The following SPTBN1 variants were observed in gnomAD, a reference collection of about 807,000 sequenced individuals.
SPTBN1 encodes the protein spectrin beta chain, non-erythrocytic 1.
A neutral mutation model predicts 266.4 loss-of-function variants in SPTBN1; 32 were observed. That is an observed-to-expected ratio of 0.12 (90% confidence interval 0.09 to 0.16). The LOEUF is 0.16. SPTBN1 is among the 10% of genes least tolerant of loss of function. The pLI, the probability that SPTBN1 is intolerant of heterozygous loss-of-function variation, is 1.00. For synonymous variants in SPTBN1, 1,336 were observed against 1,162.2 expected, an observed-to-expected ratio of 1.15 and a Z score of -3.04; for missense variants, 2,296 against 3,067.1, an observed-to-expected ratio of 0.75 and a Z score of 5.94.
intron 1 of SPTBN1, among the ~76,000 whole-genome samples, chr2:54,473,667 C>T (rs1694040366): frequency 6.6e-6 from 1 of 152,134 alleles, no homozygotes; most frequent in Non-Finnish European, 1.5e-5. Context: ...ATAGTTTTCA[C>T]CTCCCACCAT....
At chr2:54,545,417 C>T (rs957111375) in intron 2 of SPTBN1, 10 of 152,114 alleles carry the variant, frequency 6.6e-5, no homozygotes, top group East Asian at 1.9e-4. Context: ...ATATATAAAA[C>T]GGAGTAAACT....
intron 33 of SPTBN1, 142 bp from the exon 34 acceptor site, chr2:54,665,772 CT>C: frequency 1.0e-6 from 1 of 968,830 alleles, no homozygotes; most frequent in Non-Finnish European, 1.5e-6. Flanking sequence ...TTAGGAAGGG[CT>C]TGTAATAAGG....
intron 11 of SPTBN1, 57 bp from the exon 12 acceptor site, chr2:54,625,875 G>C: frequency 6.5e-7 from 1 of 1,549,536 alleles, no homozygotes; most frequent in Non-Finnish European, 8.7e-7. Context: ...ACAAGCATGA[G>C]CTACTGTGCC....
At chr2:54,580,445 A>G (rs1406327114) in intron 2 of SPTBN1, among the ~76,000 whole-genome samples, 6 of 152,186 alleles carry the variant, frequency 3.9e-5, no homozygotes, top group Non-Finnish European at 8.8e-5. Flanking sequence ...TTGAGAATAC[A>G]TAAAGAGCAC....
At chr2:54,622,275 C>T in intron 8 of SPTBN1, 25 bp from the exon 9 acceptor site, 1 of 1,574,020 alleles carries the variant, frequency 6.4e-7, no homozygotes, top group Non-Finnish European at 8.7e-7. Flanking sequence ...ATGATCTTTT[C>T]AATTTTTCTA....
Position 54,588,624 on chromosome 2 carries a change from A to C in SPTBN1, c.149-10468A>C, listed in dbSNP as rs1314013957. Among the ~76,000 whole-genome samples the C allele has an allele frequency of 2.6e-5, 4 of 152,200 alleles. No homozygotes were observed. The South Asian group carries it at 8.3e-4, about 32-fold the overall frequency. Reference sequence around the variant, plus strand: ...AGGCTGTAATGAAGGAGGGAAAGTGAGTGAAGATCCTAATGCAGCATCACT... The same window carrying C: ...AGGCTGTAATGAAGGAGGGAAAGTGCGTGAAGATCCTAATGCAGCATCACT... On this transcript the variant is annotated intron_variant, in intron 2 of 35. Coordinates refer to ENST00000356805, the MANE Select transcript of SPTBN1 (RefSeq NM_003128.3).
At chr2:54,529,702 T>C in intron 2 of SPTBN1, 1 of 716,640 alleles carries the variant, frequency 1.4e-6, no homozygotes, top group Non-Finnish European at 2.6e-6. Context: ...TCTGTGACAT[T>C]GATGGGGCCA....
chr2:54,571,971 C>CT (rs1161426988), intron 2 of SPTBN1, among the ~76,000 whole-genome samples: 1 of 152,122 alleles, frequency 6.6e-6, no homozygotes, highest in Non-Finnish European at 1.5e-5. Context: ...GGCCTATCTA[C>CT]TTTTTTTGAT....
intron 2 of SPTBN1, among the ~76,000 whole-genome samples, chr2:54,572,538 G>T (rs1002626085): frequency 2.0e-5 from 3 of 152,172 alleles, no homozygotes; most frequent in African/African-American, 7.2e-5. Context: ...GATAGCACAC[G>T]AATGTGCAAA....
intron 2 of SPTBN1, among the ~76,000 whole-genome samples, chr2:54,556,389 A>G (rs781677912): frequency 3.3e-5 from 5 of 152,192 alleles, no homozygotes; most frequent in Non-Finnish European, 7.3e-5. Flanking sequence ...TACTGCCATC[A>G]TATTATGTGC....
At chr2:54,539,903 T>C (rs1671835267) in intron 2 of SPTBN1, among the ~76,000 whole-genome samples, 1 of 152,168 alleles carries the variant, frequency 6.6e-6, no homozygotes, top group Non-Finnish European at 1.5e-5. Flanking sequence ...CAAACTCATA[T>C]GGTGAAATCT....
chr2:54,532,182 G>A (rs1341799532), intron 2 of SPTBN1, among the ~76,000 whole-genome samples: 5 of 152,054 alleles, frequency 3.3e-5, no homozygotes, highest in Non-Finnish European at 5.9e-5. Context: ...CCAGCTAGTT[G>A]GGAGGCTGAG....
At position 54,476,528 on chromosome 2, in the gene SPTBN1, C is replaced by T. The variant is rs112918555; in HGVS notation, c.-48+20010C>T. On this transcript the variant is annotated intron_variant, in intron 1 of 35. Coordinates refer to ENST00000356805, the MANE Select transcript of SPTBN1 (RefSeq NM_003128.3). ...TGTACTAGGCCTCTTTAGTGAAGGT[C>T]GTCTCCGAGCTGTTGTATCCTAACA... Among the ~76,000 whole-genome samples the T allele has an allele frequency of 2.6e-5, 4 of 152,282 alleles. No individual in the cohort carries two copies. In the East Asian group the frequency reaches 5.8e-4, roughly 22 times the overall value.
At chr2:54,576,399 A>C (rs572233758) in intron 2 of SPTBN1, among the ~76,000 whole-genome samples, 1 of 152,002 alleles carries the variant, frequency 6.6e-6, no homozygotes, top group African/African-American at 2.4e-5. Context: ...TAATAACTTA[A>C]AGCTGGAACG....
intron 2 of SPTBN1, among the ~76,000 whole-genome samples, chr2:54,541,002 GT>G (rs982044874): frequency 2.6e-5 from 4 of 152,158 alleles, no homozygotes; most frequent in Non-Finnish European, 5.9e-5. Flanking sequence ...CTTTTTTCCT[GT>G]GGTTAATAAC....
At chr2:54,518,881 G>A (rs1031251169) in intron 1 of SPTBN1, among the ~76,000 whole-genome samples, 4 of 152,158 alleles carry the variant, frequency 2.6e-5, no homozygotes, top group Non-Finnish European at 5.9e-5. Flanking sequence ...TTTACTCTCT[G>A]AAATCTGAGT....
At chr2:54,517,553 A>G (rs1670178187) in intron 1 of SPTBN1, among the ~76,000 whole-genome samples, 1 of 152,160 alleles carries the variant, frequency 6.6e-6, no homozygotes, top group African/African-American at 2.4e-5. Context: ...TTAGTAATTT[A>G]ATAATTATTA....
chr2:54,559,306 AACAATAGC>A (rs1378581366), intron 2 of SPTBN1, among the ~76,000 whole-genome samples: 1 of 152,180 alleles, frequency 6.6e-6, no homozygotes, highest in Non-Finnish European at 1.5e-5. Context: ...AGTCCTGTAG[AACAATAGC>A]AAAGGGGAGG....
At chr2:54,493,346 C>T (rs960136695) in intron 1 of SPTBN1, among the ~76,000 whole-genome samples, 4 of 148,924 alleles carry the variant, frequency 2.7e-5, no homozygotes, top group African/African-American at 9.7e-5. Context: ...CTTATAATTT[C>T]CTTCTGTGTT....
Sources: gnomAD v4.1 joint callset for allele counts (sites outside exome capture counted in the v4.1 genomes callset) on GRCh38, gnomAD v4.1.1 for gene constraint, MANE v1.5 for transcripts, NCBI Gene and HGNC (gene_info 2026-07-23, HGNC 2026-07-21) for gene names.